KIF1B: variants seen among roughly 807,000 people sequenced by gnomAD.
The protein encoded by KIF1B is kinesin family member 1B.
Under a neutral mutation model 241.9 loss-of-function variants are expected in KIF1B, and 76 were observed. That is an observed-to-expected ratio of 0.31 (90% CI 0.26 to 0.38). The LOEUF (loss-of-function observed/expected upper bound fraction) is 0.38. Among genes scored for constraint, KIF1B ranks in the 10% least tolerant of loss-of-function variants. KIF1B has a pLI of 1.00. For synonymous variants in KIF1B, 750 were observed against 796.7 expected (o/e 0.94, Z 0.99); for missense variants, 1,622 against 2,271.4 (o/e 0.71, Z 5.81).
chr1:10,322,005 A>G lies in KIF1B; in HGVS notation c.2358+148A>G, dbSNP rs989925584. 3.8e-6 allele frequency: 3 copies of G among 780,594 alleles called. No homozygotes were observed. The African/African-American group carries it at 5.3e-5, about 14-fold the overall frequency. The allele number at this position is 780,594 out of a possible 1,614,324, so 48.4% of individuals were successfully genotyped here. A position where few individuals can be genotyped will look rare whatever the true frequency, so the allele number is the denominator to read the frequency against. The stretch of plus-strand genomic sequence containing the variant: ...AGCTTTATATATGTCTTTATTTAAT[A>G]TATGTGGCTGGAACATAGTAGGTGC... On this transcript the variant is annotated intron_variant, in intron 24 of 48. Coordinates refer to ENST00000676179, the MANE Select transcript of KIF1B (RefSeq NM_001365951.3).
At chr1:10,351,220 G>T (rs1652782426) in intron 37 of KIF1B, among the ~76,000 whole-genome samples, 1 of 150,956 alleles carries the variant, frequency 6.6e-6, no homozygotes, top group South Asian at 2.1e-4. Flanking sequence ...ACAAAGTACT[G>T]AATGTCCTTT....
chr1:10,363,037 A>C (rs1206649178), intron 40 of KIF1B, among the ~76,000 whole-genome samples: 1 of 152,162 alleles, frequency 6.6e-6, no homozygotes, highest in Non-Finnish European at 1.5e-5. Flanking sequence ...ACATCACTGC[A>C]CTCCAGCCTG....
Position 10,304,606 on chromosome 1 carries a change from T to G in KIF1B, c.2115+7360T>G. 1.9e-6 allele frequency: 3 copies of G among 1,614,088 alleles called. No homozygotes were observed. Among genetic ancestry groups the G allele is most frequent in the Non-Finnish European group, 2.5e-6 (3 of 1,180,024 alleles). On this transcript the variant is annotated intron_variant, in intron 22 of 48. Coordinates refer to ENST00000676179, the MANE Select transcript of KIF1B (RefSeq NM_001365951.3). ...ACCTCCGCGGATGAGGAGACAGTTC[T>G]CAGCACCCAATCTCAAAGCTGGTCG...
intron 1 of KIF1B, among the ~76,000 whole-genome samples, chr1:10,219,179 C>A (rs753442738): frequency 6.6e-6 from 1 of 152,066 alleles, no homozygotes; most frequent in Non-Finnish European, 1.5e-5. Flanking sequence ...AAGATACGTA[C>A]GGCCGGGCGC....
rs1330110923 is a variant in KIF1B, at chr1:10,380,268, G to C, written c.*3681G>C. The C allele has an allele frequency of 4.7e-6, 1 of 212,414 alleles. No individual in the cohort carries two copies. Among genetic ancestry groups the C allele is most frequent in the Non-Finnish European group, 9.5e-6 (1 of 104,740 alleles). 13.2% of individuals were successfully genotyped at this position (212,414 alleles called of 1,614,324 possible). A position where few individuals can be genotyped will look rare whatever the true frequency, so the allele number is the denominator to read the frequency against. ...GATTGGAGAGAAAGGATTCTCCAGT[G>C]TGCACACTCATCGGTACTCTTTCTG... On this transcript the variant is annotated 3_prime_UTR_variant, in exon 49 of 49. Coordinates refer to ENST00000676179, the MANE Select transcript of KIF1B (RefSeq NM_001365951.3).
intron 22 of KIF1B, among the ~76,000 whole-genome samples, chr1:10,298,293 A>G (rs1352227484): frequency 2.6e-5 from 4 of 152,202 alleles, no homozygotes; most frequent in Non-Finnish European, 5.9e-5. Flanking sequence ...ACAGCCTTCT[A>G]GTCATGCTCT....
chr1:10,235,792 G>C (rs960141150), intron 2 of KIF1B, among the ~76,000 whole-genome samples: 1 of 150,516 alleles, frequency 6.6e-6, no homozygotes, highest in Non-Finnish European at 1.5e-5. Context: ...AACCCGGGAG[G>C]TGGAGGTTGC....
At chr1:10,302,553 C>G (rs1242027106) in intron 22 of KIF1B, among the ~76,000 whole-genome samples, 1 of 152,152 alleles carries the variant, frequency 6.6e-6, no homozygotes, top group Non-Finnish European at 1.5e-5. Context: ...CATCTTCTAA[C>G]TTTTTTCTAG....
intron 27 of KIF1B, among the ~76,000 whole-genome samples, chr1:10,327,249 C>T (rs1329133759): frequency 6.6e-6 from 1 of 151,996 alleles, no homozygotes; most frequent in East Asian, 1.9e-4. Flanking sequence ...GTCTGTAATC[C>T]AGCAGTTTGG....
At position 10,321,734 on chromosome 1, in the gene KIF1B, G is replaced by T; in HGVS notation, c.2235G>T (p.Glu745Asp). ...TTCCTTGGACACAGCATGAATTTGAGTTGGCCCAATGGGCCTTCCGGAAAT... is the reference window on the plus strand; with the variant it reads ...TTCCTTGGACACAGCATGAATTTGATTTGGCCCAATGGGCCTTCCGGAAAT... ...EEVPWTQHEF[E>D]LAQWAFRKWK... The change falls in exon 24 of 49, where the codon GAG becomes GAT. Residue 745 changes from glutamate to aspartate, a missense_variant. Around this residue, in one of 7 missense-constraint regions of KIF1B, gnomAD observed 803 missense variants for 1,112.0 expected, o/e 0.72. Transcript: ENST00000676179. The T allele has an allele frequency of 6.2e-7, 1 of 1,614,158 alleles. No homozygotes were observed. Among genetic ancestry groups the T allele is most frequent in the East Asian group, 2.2e-5 (1 of 44,892 alleles).
At chr1:10,280,671 G>C (rs1397782222) in intron 14 of KIF1B, among the ~76,000 whole-genome samples, 3 of 152,222 alleles carry the variant, frequency 2.0e-5, no homozygotes, top group African/African-American at 7.2e-5. Flanking sequence ...TCCTGATACA[G>C]AAGTGACTCT....
intron 10 of KIF1B, chr1:10,275,026 T>C (rs1240592190): frequency 1.5e-5 from 5 of 327,958 alleles, no homozygotes; most frequent in South Asian, 7.6e-5. Flanking sequence ...TGTTCTTATA[T>C]GCTGAAGTGT....
chr1:10,378,347 A>T lies in KIF1B; in HGVS notation c.*1760A>T. ...TTCTTTCCTTCTGACAGACCAGGTC[A>T]TCTGGCTTCCGAGATCATCAGAGAA... On this transcript the variant is annotated 3_prime_UTR_variant, in exon 49 of 49. Coordinates refer to ENST00000676179, the MANE Select transcript of KIF1B (RefSeq NM_001365951.3). The T allele has an allele frequency of 1.4e-6, 1 of 718,028 alleles. No homozygotes were observed. The highest frequency in any genetic ancestry group is 2.6e-6 in the Non-Finnish European group (1 of 385,208). 44.5% of individuals were successfully genotyped at this position (718,028 alleles called of 1,614,324 possible).
At chr1:10,312,802 C>T (rs1179134943) in intron 22 of KIF1B, among the ~76,000 whole-genome samples, 1 of 151,466 alleles carries the variant, frequency 6.6e-6, no homozygotes, top group East Asian at 1.9e-4. Context: ...TAGTACTCGC[C>T]ACTAAAATCC....
rs567120036 is a variant in KIF1B, at chr1:10,274,187, C to G, written c.882+1156C>G. ...TCCTGACCTCAAGTGATCCACCCACCTCGGCCTCCCAAAGTACTGGGATTA... is the reference window on the plus strand; with the variant it reads ...TCCTGACCTCAAGTGATCCACCCACGTCGGCCTCCCAAAGTACTGGGATTA... On this transcript the variant is annotated intron_variant, in intron 10 of 48. Coordinates refer to ENST00000676179, the MANE Select transcript of KIF1B (RefSeq NM_001365951.3). Among the ~76,000 whole-genome samples the G allele has an allele frequency of 1.4e-3, 199 of 146,180 alleles. 1 individual carries two copies. Among genetic ancestry groups the G allele is most frequent in the African/African-American group, 5.0e-3 (191 of 38,008 alleles).
At chr1:10,293,463 T>C (rs1454247508) in intron 17 of KIF1B, among the ~76,000 whole-genome samples, 1 of 151,314 alleles carries the variant, frequency 6.6e-6, no homozygotes, top group Non-Finnish European at 1.5e-5. Context: ...TGGTGTGATC[T>C]TGGCTCACTG....
intron 22 of KIF1B, chr1:10,306,583 C>A: frequency 2.1e-6 from 1 of 473,464 alleles, no homozygotes; most frequent in Non-Finnish European, 2.9e-6. Context: ...GTAAGTTTGG[C>A]ATCAATATGG....
At chr1:10,328,224 G>T (rs1481806701) in intron 27 of KIF1B, among the ~76,000 whole-genome samples, 1 of 152,108 alleles carries the variant, frequency 6.6e-6, no homozygotes, top group African/African-American at 2.4e-5. Context: ...AACAGAATTT[G>T]TAGTATGGTA....
At chr1:10,223,840 G>A (rs757550828) in intron 1 of KIF1B, among the ~76,000 whole-genome samples, 3 of 151,678 alleles carry the variant, frequency 2.0e-5, no homozygotes, top group South Asian at 2.1e-4. Context: ...CACTGTGCCC[G>A]GCCTGAAGTT....
Sources: gnomAD v4.1 joint callset for allele counts (sites outside exome capture counted in the v4.1 genomes callset) on GRCh38, gnomAD v4.1.1 for gene constraint, gnomAD v4.1.1 regional missense constraint, MANE v1.5 for transcripts, NCBI Gene and HGNC (gene_info 2026-07-23, HGNC 2026-07-21) for gene names.